Variants in PRKCQ observed in about 807,000 individuals in gnomAD.
PRKCQ encodes the protein protein kinase C theta type.
PRKCQ carries 41 observed loss-of-function variants against 91.2 expected under a neutral mutation model. That is an observed-to-expected ratio of 0.45 (90% CI 0.35 to 0.58). The LOEUF is 0.58. Among genes scored for constraint, PRKCQ ranks in the 20% least tolerant of loss-of-function variants. The pLI, the probability that PRKCQ is intolerant of heterozygous loss-of-function variation, is 0.00. For missense variants in PRKCQ, 673 were observed against 896.5 expected (o/e 0.75, Z 3.18); for synonymous variants, 307 against 316.9 (o/e 0.97, Z 0.33).
At chr10:6,549,330 G>T (rs138828008) in intron 1 of PRKCQ, among the ~76,000 whole-genome samples, 1 of 152,144 alleles carries the variant, frequency 6.6e-6, no homozygotes, top group African/African-American at 2.4e-5. Flanking sequence ...GAGGAAGTAC[G>T]GGATATTCTG....
chr10:6,557,571 T>A (rs562059370), intron 1 of PRKCQ, among the ~76,000 whole-genome samples: 2 of 152,202 alleles, frequency 1.3e-5, no homozygotes, highest in Non-Finnish European at 2.9e-5. Context: ...CCCTTTTTTT[T>A]AAACCAACAT....
chr10:6,534,614 A>G (rs1452904856), intron 1 of PRKCQ, among the ~76,000 whole-genome samples: 3 of 151,986 alleles, frequency 2.0e-5, no homozygotes, highest in Non-Finnish European at 4.4e-5. Flanking sequence ...CAGTTTAATA[A>G]TAATAAAACT....
Position 6,483,578 on chromosome 10 carries a change from C to G in PRKCQ, c.1041G>C (p.Glu347Asp). 1 of 1,614,208 alleles carries G rather than the reference C, an allele frequency of 6.2e-7. No homozygotes were observed. Reference sequence around the variant, plus strand: ...TTTTATCCACCTCATCCAACGGAGACTCCCAGGAAATGCCCTGAGGCTCTG... The same window carrying G: ...TTTTATCCACCTCATCCAACGGAGAGTCCCAGGAAATGCCCTGAGGCTCTG... ...GKREPQGISW[E>D]SPLDEVDKMC... The change falls in exon 11 of 18, where the codon GAG becomes GAC. Residue 347 changes from glutamate (E) to aspartate (D), a missense_variant. By Grantham distance (45) the Glu-to-Asp change is conservative. Coordinates refer to ENST00000263125, the MANE Select transcript of PRKCQ (RefSeq NM_006257.5).
At position 6,428,076 on chromosome 10, in the gene PRKCQ, C is replaced by T. The variant is rs969212053; in HGVS notation, c.*131G>A. 76 of 1,158,020 alleles carry T rather than the reference C, an allele frequency of 6.6e-5. No individual in the cohort carries two copies. The highest frequency in any genetic ancestry group is 6.3e-4 in the African/African-American group (41 of 64,622). 71.7% of individuals were successfully genotyped at this position (1,158,020 alleles called of 1,614,324 possible). ...GCTACAGATAAAAGTCACATGGGGGCGAACGGGTCTCAGTCTTTATTGTTG... is the reference window on the plus strand; with the variant it reads ...GCTACAGATAAAAGTCACATGGGGGTGAACGGGTCTCAGTCTTTATTGTTG... On this transcript the variant is annotated 3_prime_UTR_variant, in exon 18 of 18. Coordinates refer to ENST00000263125, the MANE Select transcript of PRKCQ (RefSeq NM_006257.5).
In PRKCQ at chr10:6,478,835, T is replaced by C. The variant is rs144321724; in HGVS notation, c.1353+157A>G. 3.2e-4 allele frequency among the ~76,000 whole-genome samples: 49 copies of C among 152,288 alleles called. No homozygotes were observed. In the East Asian group the frequency reaches 7.9e-3, roughly 25 times the overall value. The stretch of plus-strand genomic sequence containing the variant: ...TAAAACATTCTAAGTAATACTTCCA[T>C]GGTGTGTAGAAGGGATGTTTGGATG... On this transcript the variant is annotated intron_variant, in intron 12 of 17. Coordinates refer to ENST00000263125, the MANE Select transcript of PRKCQ (RefSeq NM_006257.5).
At chr10:6,559,584 C>G (rs1183942428) in intron 1 of PRKCQ, among the ~76,000 whole-genome samples, 2 of 152,150 alleles carry the variant, frequency 1.3e-5, no homozygotes, top group African/African-American at 2.4e-5. Flanking sequence ...GTCTCGAACT[C>G]CTGACCTCAG....
At chr10:6,496,969 G>A (rs770376221) in intron 7 of PRKCQ, 66 bp downstream of exon 7, 10 of 1,401,378 alleles carry the variant, frequency 7.1e-6, no homozygotes, top group Middle Eastern at 2.5e-4. Flanking sequence ...TGAAGAATTC[G>A]TGGGCTGTAA....
intron 1 of PRKCQ, among the ~76,000 whole-genome samples, chr10:6,557,327 A>T (rs970265040): frequency 7.9e-5 from 12 of 152,124 alleles, no homozygotes; most frequent in Non-Finnish European, 1.6e-4. Flanking sequence ...CTTCCTCCTC[A>T]ACCAGAGACC....
intron 16 of PRKCQ, among the ~76,000 whole-genome samples, chr10:6,432,486 C>G (rs1833471819): frequency 6.6e-6 from 1 of 152,148 alleles, no homozygotes; most frequent in African/African-American, 2.4e-5. Flanking sequence ...TCTCAACTTC[C>G]TCTCTCCCCC....
chr10:6,404,374 CTTTCTTTCGTTCTTTCT>C, the PRKCQ span, among the ~76,000 whole-genome samples: 1 of 123,288 alleles, frequency 8.1e-6, no homozygotes, highest in Non-Finnish European at 1.9e-5. Flanking sequence ...TGGATTCATT[CTTTCTTTCGTTCTTTCT>C]TTTCTTTCTT....
chr10:6,466,158 C>T (rs1835643931), intron 12 of PRKCQ, among the ~76,000 whole-genome samples: 1 of 152,184 alleles, frequency 6.6e-6, no homozygotes, highest in East Asian at 1.9e-4. Flanking sequence ...CTTGAGTGAA[C>T]GGTTTCTTCT....
intron 15 of PRKCQ, among the ~76,000 whole-genome samples, chr10:6,445,860 C>T (rs890028752): frequency 2.0e-5 from 3 of 152,232 alleles, no homozygotes; most frequent in Admixed American, 6.5e-5. Flanking sequence ...ATTTCCGAGA[C>T]TTGCCCACAA....
Position 6,430,696 on chromosome 10 carries a change from G to C in PRKCQ, c.1965+114C>G. 7.0e-7 allele frequency: 1 copy of C among 1,420,842 alleles called. No individual in the cohort carries two copies. The highest frequency in any genetic ancestry group is 1.3e-5 in the South Asian group (1 of 75,692). 88.0% of individuals were successfully genotyped at this position (1,420,842 alleles called of 1,614,324 possible). The stretch of plus-strand genomic sequence containing the variant: ...TGCATTCCTCCTGGAGAGTGGGGCT[G>C]GTGGGGAGTTGGGGCACCGGCAGGG... On this transcript the variant is annotated intron_variant, in intron 17 of 17. Coordinates refer to ENST00000263125, the MANE Select transcript of PRKCQ (RefSeq NM_006257.5). This position sits in a 1 kb window ranked among gnomAD's most constrained non-coding sequence, Gnocchi z 4.7.
chr10:6,468,428 C>G (rs1564325432), intron 12 of PRKCQ, among the ~76,000 whole-genome samples: 1 of 152,154 alleles, frequency 6.6e-6, no homozygotes, highest in East Asian at 1.9e-4. Flanking sequence ...AAGGAAATGG[C>G]TGGCAAATGT....
intron 16 of PRKCQ, among the ~76,000 whole-genome samples, chr10:6,432,624 G>T (rs1833479349): frequency 6.6e-6 from 1 of 152,256 alleles, no homozygotes; most frequent in East Asian, 1.9e-4. Context: ...ACGTCGCCTT[G>T]GATAAGTTTT....
At chr10:6,488,255 T>C (rs1837042358) in intron 8 of PRKCQ, among the ~76,000 whole-genome samples, 2 of 152,240 alleles carry the variant, frequency 1.3e-5, no homozygotes, top group African/African-American at 2.4e-5. Context: ...TCATCATTTA[T>C]TGCATAGATG....
At chr10:6,559,247 G>A (rs1470170929) in intron 1 of PRKCQ, among the ~76,000 whole-genome samples, 1 of 152,162 alleles carries the variant, frequency 6.6e-6, no homozygotes, top group Admixed American at 6.5e-5. Flanking sequence ...AGGAACTTCT[G>A]GGTAATAAAA....
intron 1 of PRKCQ, among the ~76,000 whole-genome samples, chr10:6,522,128 G>A (rs559640551): frequency 6.6e-6 from 1 of 152,042 alleles, no homozygotes. Flanking sequence ...TTTTAGTAGA[G>A]ACTGGGTTTC....
chr10:6,531,918 A>G (rs1564377393), intron 1 of PRKCQ, among the ~76,000 whole-genome samples: 1 of 152,128 alleles, frequency 6.6e-6, no homozygotes. Context: ...AAGGTGAGTG[A>G]TCAAAGCTAT....
Sources: allele counts gnomAD v4.1 joint callset (sites outside exome capture counted in the v4.1 genomes callset), GRCh38; gene constraint gnomAD v4.1.1; non-coding constraint Gnocchi (gnomAD v3.1); transcripts MANE v1.5; gene names NCBI Gene and HGNC (gene_info 2026-07-23, HGNC 2026-07-21).